Variants in MAML3 observed in about 807,000 individuals in gnomAD.
MAML3 encodes mastermind-like protein 3.
Under a neutral mutation model 101.9 loss-of-function variants are expected in MAML3, and 27 were observed. That is an observed-to-expected ratio of 0.27 (90% confidence interval 0.20 to 0.37). MAML3 has a LOEUF of 0.37. Among genes scored for constraint, MAML3 ranks in the 10% least tolerant of loss-of-function variants. MAML3 has a pLI of 1.00. For synonymous variants in MAML3, 501 were observed against 555.9 expected, an observed-to-expected ratio of 0.90 and a Z score of 1.39; for missense variants, 1,316 against 1,444.9, an observed-to-expected ratio of 0.91 and a Z score of 1.45.
At chr4:140,074,886 C>A (rs1308818527) in intron 1 of MAML3, among the ~76,000 whole-genome samples, 2 of 152,126 alleles carry the variant, frequency 1.3e-5, no homozygotes, top group African/African-American at 4.8e-5. Context: ...ATAAAATTAC[C>A]AGGCTATGTG....
intron 2 of MAML3, among the ~76,000 whole-genome samples, chr4:139,790,656 T>C (rs925218552): frequency 1.3e-5 from 2 of 152,200 alleles, no homozygotes; most frequent in East Asian, 1.9e-4. Context: ...TTTTTTTGTG[T>C]GTGTCTGGCT....
rs371624608 is a variant in MAML3 at position 139,810,604 on chromosome 4, G to A, written c.2079+78753C>T. ...TGTGAGTGATCACAGAAGGATCCCA[G>A]AGAAGGAAACTAACACTTATGGAGG... On this transcript the variant is annotated intron_variant, in intron 2 of 4. Coordinates refer to ENST00000509479, the MANE Select transcript of MAML3 (RefSeq NM_018717.5). Among the ~76,000 whole-genome samples the A allele has an allele frequency of 5.9e-5, 9 of 152,268 alleles. No individual in the cohort carries two copies. In the East Asian group the frequency reaches 1.5e-3, roughly 26 times the overall value.
chr4:139,746,338 T>C (rs147410614), intron 2 of MAML3, among the ~76,000 whole-genome samples: 4 of 152,352 alleles, frequency 2.6e-5, no homozygotes, highest in African/African-American at 7.2e-5. Flanking sequence ...AAATTTATGA[T>C]TGAAGTTAAG....
At chr4:140,126,144 T>C (rs1309439203) in intron 1 of MAML3, among the ~76,000 whole-genome samples, 2 of 88,272 alleles carry the variant, frequency 2.3e-5, no homozygotes, top group Non-Finnish European at 5.0e-5. Context: ...AGAGTAATAA[T>C]AATAATAAAG....
intron 1 of MAML3, among the ~76,000 whole-genome samples, chr4:140,028,644 A>C (rs114734724): frequency 1.3e-5 from 2 of 152,246 alleles, no homozygotes; most frequent in African/African-American, 4.8e-5. Flanking sequence ...TTATCTTCTT[A>C]AAGGCCAGTT....
At chr4:139,759,633 G>C (rs1578587254) in intron 2 of MAML3, among the ~76,000 whole-genome samples, 1 of 152,292 alleles carries the variant, frequency 6.6e-6, no homozygotes, top group Non-Finnish European at 1.5e-5. Context: ...AGGATTGTTA[G>C]ACAGCCTTGT....
chr4:139,873,506 G>T (rs1476117106), intron 2 of MAML3, among the ~76,000 whole-genome samples: 1 of 152,172 alleles, frequency 6.6e-6, no homozygotes, highest in East Asian at 1.9e-4. Context: ...CTGGAGTGTG[G>T]CTGGACTTAA....
At chr4:140,140,581 T>C (rs1578705921) in intron 1 of MAML3, among the ~76,000 whole-genome samples, 1 of 152,076 alleles carries the variant, frequency 6.6e-6, no homozygotes, top group African/African-American at 2.4e-5. Flanking sequence ...AGCAATAAGA[T>C]GCTATGGGCC....
intron 1 of MAML3, among the ~76,000 whole-genome samples, chr4:139,905,230 C>A (rs569195288): frequency 7.9e-5 from 12 of 152,138 alleles, no homozygotes; most frequent in African/African-American, 2.9e-4. Context: ...CAGTGGCTCA[C>A]GCCTATAATC....
At chr4:139,920,151 T>C (rs1233289634) in intron 1 of MAML3, among the ~76,000 whole-genome samples, 1 of 152,262 alleles carries the variant, frequency 6.6e-6, no homozygotes, top group Non-Finnish European at 1.5e-5. Flanking sequence ...AGTTATTTTT[T>C]TTCCAAAGGG....
At chr4:139,843,379 A>G (rs1218681863) in intron 2 of MAML3, among the ~76,000 whole-genome samples, 1 of 152,130 alleles carries the variant, frequency 6.6e-6, no homozygotes, top group Non-Finnish European at 1.5e-5. Flanking sequence ...CACACCAGAA[A>G]ATAACTTGAT....
At chr4:139,866,614 A>G (rs950661185) in intron 2 of MAML3, among the ~76,000 whole-genome samples, 1 of 152,080 alleles carries the variant, frequency 6.6e-6, no homozygotes, top group African/African-American at 2.4e-5. Flanking sequence ...CAGACAGGTG[A>G]CCTATTTTTT....
In MAML3 at chr4:140,058,381, C is replaced by T. The variant is rs567479024; in HGVS notation, c.468+94479G>A. ...TGCTAGGATTACAGGCATGAGCCAC[C>T]GTGCCTAGCCCCAAGTTTAGAGTAT... On this transcript the variant is annotated intron_variant, in intron 1 of 4. Coordinates refer to ENST00000509479, the MANE Select transcript of MAML3 (RefSeq NM_018717.5). Among the ~76,000 whole-genome samples the T allele has an allele frequency of 1.6e-3, 250 of 151,946 alleles. 1 individual carries two copies. Among genetic ancestry groups the T allele is most frequent in the Non-Finnish European group, 2.1e-3 (142 of 67,946 alleles).
rs139490267 is a variant in MAML3, at chr4:140,099,483, C to T, written c.468+53377G>A. On this transcript the variant is annotated intron_variant, in intron 1 of 4. Transcript: ENST00000509479. ...GCACCATCATAGCTCACTGCAGTCT[C>T]GAACTCCTGGGTTCCAGCAATCCTC... Among the ~76,000 whole-genome samples, 1,078 of 152,138 alleles carry T rather than the reference C, an allele frequency of 7.1e-3. 13 individuals are homozygous for T. The highest frequency in any genetic ancestry group is 0.024 in the African/African-American group (1,014 of 41,494).
intron 2 of MAML3, among the ~76,000 whole-genome samples, chr4:139,803,298 G>A (rs1730641466): frequency 6.6e-6 from 1 of 152,208 alleles, no homozygotes; most frequent in African/African-American, 2.4e-5. Context: ...ATGCAGTGCT[G>A]CTGGATAGAA....
chr4:140,087,042 C>G (rs531849772), intron 1 of MAML3, among the ~76,000 whole-genome samples: 2 of 152,252 alleles, frequency 1.3e-5, no homozygotes, highest in African/African-American at 4.8e-5. Context: ...TGCCTGTAAC[C>G]CCAGATACTA....
At chr4:139,896,205 T>C (rs1375817744) in intron 1 of MAML3, among the ~76,000 whole-genome samples, 1 of 152,092 alleles carries the variant, frequency 6.6e-6, no homozygotes, top group Non-Finnish European at 1.5e-5. Flanking sequence ...AACATGGGAA[T>C]GCCTGGCTGC....
intron 3 of MAML3, among the ~76,000 whole-genome samples, chr4:139,729,404 G>A (rs1728611520): frequency 6.6e-6 from 1 of 152,120 alleles, no homozygotes; most frequent in African/African-American, 2.4e-5. Context: ...AGGATCGCTT[G>A]AGGCCAGAAG....
At chr4:139,773,556 C>A (rs1433918522) in intron 2 of MAML3, among the ~76,000 whole-genome samples, 2 of 152,166 alleles carry the variant, frequency 1.3e-5, no homozygotes, top group East Asian at 1.9e-4. Context: ...ATAATTCCAA[C>A]CCTAGGTAGT....
Sources: allele counts gnomAD v4.1 joint callset (sites outside exome capture counted in the v4.1 genomes callset), GRCh38; gene constraint gnomAD v4.1.1; transcripts MANE v1.5; gene names NCBI Gene and HGNC (gene_info 2026-07-23, HGNC 2026-07-21).